The following LOXHD1 variants were observed in gnomAD, a reference collection of about 807,000 sequenced individuals.
The protein encoded by LOXHD1 is lipoxygenase homology domain-containing protein 1.
In LOXHD1, 205 loss-of-function variants were observed where a neutral mutation model predicts 248.2. The observed-to-expected ratio is 0.83, with a 90% CI of 0.74 to 0.93. LOXHD1 has a LOEUF of 0.93. Among genes scored for constraint, LOXHD1 ranks in the 40% least tolerant of loss-of-function variants. The probability of loss-of-function intolerance (pLI) is 0.00; values close to 1 mark genes in which losing one functional copy is unlikely to be tolerated. For missense variants in LOXHD1, 2,930 were observed against 2,971.6 expected (o/e 0.99, Z 0.33); for synonymous variants, 1,113 against 1,162.8 (o/e 0.96, Z 0.87).
intron 4 of LOXHD1, among the ~76,000 whole-genome samples, chr18:46,622,553 T>C (rs2038683130): frequency 6.6e-6 from 1 of 152,078 alleles, no homozygotes; most frequent in Non-Finnish European, 1.5e-5. Flanking sequence ...TGGGTAGATC[T>C]GCTCTCTGTG....
intron 5 of LOXHD1, among the ~76,000 whole-genome samples, chr18:46,611,479 A>T (rs2038507636): frequency 6.6e-6 from 1 of 152,226 alleles, no homozygotes; most frequent in Non-Finnish European, 1.5e-5. Flanking sequence ...GAAGTTAAAC[A>T]CCTTGCCAAA....
chr18:46,558,982 C>T (rs1207116131), intron 20 of LOXHD1: 1 of 470,718 alleles, frequency 2.1e-6, no homozygotes, highest in African/African-American at 2.0e-5. Flanking sequence ...AAACTGGCCT[C>T]CCCCATTTCC....
intron 35 of LOXHD1, among the ~76,000 whole-genome samples, chr18:46,508,600 C>G (rs1482677223): frequency 1.3e-5 from 2 of 152,244 alleles, no homozygotes; most frequent in Non-Finnish European, 2.9e-5. Context: ...TTCTAAGCCT[C>G]TAGTCCATGG....
At chr18:46,546,865 G>C in intron 22 of LOXHD1, 30 bp downstream of exon 22, 1 of 1,539,136 alleles carries the variant, frequency 6.5e-7, no homozygotes, top group South Asian at 1.2e-5. Flanking sequence ...AGGGGTGCTG[G>C]AGAAAGAAAT....
intron 37 of LOXHD1, among the ~76,000 whole-genome samples, chr18:46,491,387 A>G (rs113766532): frequency 3.9e-5 from 6 of 152,186 alleles, no homozygotes; most frequent in Non-Finnish European, 5.9e-5. Context: ...AGAGTTTCTG[A>G]TTCAGTTTGC....
At chr18:46,500,461 A>G (rs544865722) in intron 37 of LOXHD1, among the ~76,000 whole-genome samples, 17 of 152,224 alleles carry the variant, frequency 1.1e-4, no homozygotes, top group Non-Finnish European at 2.2e-4. Context: ...ATATTTCTCA[A>G]ATCGGTCTGC....
Position 46,524,582 on chromosome 18 carries a change from C to A in LOXHD1, c.4760G>T (p.Ser1587Ile), listed in dbSNP as rs1318916998. 6.4e-7 allele frequency: 1 copy of A among 1,551,604 alleles called. No individual in the cohort carries two copies. The highest frequency in any genetic ancestry group is 8.7e-7 in the Non-Finnish European group (1 of 1,147,006). ...GTCAGCAGGGCTGCTGCAGTTGCTG[C>A]TGCGGTCCCCAGTGTACTCCTGTGT... is the stretch of plus-strand genomic sequence containing the variant. The part of the protein sequence containing the change: ...FYEKEYTGDR[S>I]SNCSSPADFW... The change falls in exon 31 of 41, where the codon AGC (serine) becomes ATC (isoleucine). Residue 1587 changes from serine (S) to isoleucine (I), a missense_variant. Transcript: ENST00000642948.
intron 23 of LOXHD1, among the ~76,000 whole-genome samples, chr18:46,544,083 C>T (rs557867915): frequency 6.6e-6 from 1 of 152,292 alleles, no homozygotes; most frequent in East Asian, 1.9e-4. Context: ...GCCTTTAAGT[C>T]CCTGTACCCC....
At chr18:46,656,519 G>A (rs1047394511) in intron 1 of LOXHD1, among the ~76,000 whole-genome samples, 2 of 152,190 alleles carry the variant, frequency 1.3e-5, no homozygotes, top group Admixed American at 6.5e-5. Context: ...TCCTCCCCAA[G>A]ACATCCTTTC....
At chr18:46,615,351 G>A (rs1265784839) in intron 5 of LOXHD1, among the ~76,000 whole-genome samples, 1 of 152,218 alleles carries the variant, frequency 6.6e-6, no homozygotes, top group Non-Finnish European at 1.5e-5. Context: ...TATGTGATGG[G>A]TAACAGGGAC....
intron 25 of LOXHD1, among the ~76,000 whole-genome samples, chr18:46,539,021 C>T (rs774473560): frequency 2.0e-5 from 3 of 152,212 alleles, no homozygotes; most frequent in Non-Finnish European, 4.4e-5. Context: ...CAGGGACTAT[C>T]TCCCCTAGAA....
chr18:46,489,922 G>A (rs2033341596), intron 37 of LOXHD1, among the ~76,000 whole-genome samples: 1 of 152,248 alleles, frequency 6.6e-6, no homozygotes, highest in African/African-American at 2.4e-5. Context: ...GAAATCCAAA[G>A]CTGCTATTTC....
intron 3 of LOXHD1, among the ~76,000 whole-genome samples, chr18:46,640,733 A>G (rs1301177185): frequency 6.6e-6 from 1 of 152,188 alleles, no homozygotes; most frequent in Non-Finnish European, 1.5e-5. Context: ...TAATAGCCAC[A>G]TATGGTCAGG....
intron 21 of LOXHD1, among the ~76,000 whole-genome samples, chr18:46,556,205 G>A (rs985538726): frequency 6.6e-6 from 1 of 151,982 alleles, no homozygotes; most frequent in Non-Finnish European, 1.5e-5. Context: ...TGTTGTTCCA[G>A]AGACCAAATG....
chr18:46,538,502 A>G (rs1452876989), intron 25 of LOXHD1, among the ~76,000 whole-genome samples, 165 bp from the exon 26 acceptor site: 1 of 152,198 alleles, frequency 6.6e-6, no homozygotes, highest in Non-Finnish European at 1.5e-5. Flanking sequence ...AAGGTTGCCT[A>G]GCAACTGCAG....
chr18:46,507,117 T>C (rs1017794334), intron 36 of LOXHD1, among the ~76,000 whole-genome samples: 2 of 152,200 alleles, frequency 1.3e-5, no homozygotes, highest in Non-Finnish European at 2.9e-5. Context: ...ACCTGCAAGG[T>C]TTGGGCAGCA....
chr18:46,506,141 G>A, intron 36 of LOXHD1, 118 bp from the exon 37 acceptor site: 3 of 1,071,892 alleles, frequency 2.8e-6, no homozygotes, highest in South Asian at 1.7e-5. Flanking sequence ...ACAGAGTACA[G>A]ACTCAAGAAG....
chr18:46,500,210 T>C (rs2034139581), intron 37 of LOXHD1, among the ~76,000 whole-genome samples: 1 of 152,208 alleles, frequency 6.6e-6, no homozygotes, highest in Non-Finnish European at 1.5e-5. Context: ...ATAGACTCTG[T>C]TATTCACTCT....
At position 46,593,692 on chromosome 18, in the gene LOXHD1, T is replaced by C. The variant is rs2038213236; in HGVS notation, c.1339A>G (p.Ile447Val). Residue 447 changes from isoleucine to valine, a missense_variant, in exon 10 of 41, where the codon ATC becomes GTC. Transcript: ENST00000642948. ...KKAGTNSPIF[I>V]QIYGQKGRTD... ...CGCCCCTTCTGCCCATAAATCTGGA[T>C]GAAGATGGGAGAGTTGGTACCAGCT... 1.3e-6 allele frequency: 2 copies of C among 1,552,164 alleles called. No homozygotes were observed. Among genetic ancestry groups the C allele is most frequent in the Admixed American group, 2.0e-5 (1 of 50,982 alleles).
Sources: gnomAD v4.1 joint callset for allele counts (sites outside exome capture counted in the v4.1 genomes callset) on GRCh38, gnomAD v4.1.1 for gene constraint, MANE v1.5 for transcripts, NCBI Gene and HGNC (gene_info 2026-07-23, HGNC 2026-07-21) for gene names.